Variants in RBFOX1 observed in about 807,000 individuals in gnomAD.
RBFOX1 encodes RNA binding protein fox-1 homolog 1.
Under a neutral mutation model 57.7 loss-of-function variants are expected in RBFOX1, and 8 were observed. The observed-to-expected ratio is 0.14, with a 90% CI of 0.08 to 0.25. RBFOX1 has a LOEUF of 0.25. Among genes scored for constraint, RBFOX1 ranks in the 10% least tolerant of loss-of-function variants. The pLI, the probability that RBFOX1 is intolerant of heterozygous loss-of-function variation, is 1.00. For synonymous variants in RBFOX1, 326 were observed against 222.4 expected (o/e 1.47, Z -4.15); for missense variants, 611 against 548.5 (o/e 1.11, Z -1.14).
At chr16:5,612,925 T>C (rs928155909) in intron 3 of RBFOX1, among the ~76,000 whole-genome samples, 4 of 152,190 alleles carry the variant, frequency 2.6e-5, no homozygotes, top group Admixed American at 1.3e-4. Context: ...CCACAAAACA[T>C]GGATCTGGCC....
At chr16:5,490,800 C>T (rs764210181) in intron 2 of RBFOX1, among the ~76,000 whole-genome samples, 1 of 152,178 alleles carries the variant, frequency 6.6e-6, no homozygotes, top group African/African-American at 2.4e-5. Flanking sequence ...TCCGCCTCTG[C>T]ACTGGGAGTT....
chr16:7,463,223 G>A (rs2059897299), intron 4 of RBFOX1, among the ~76,000 whole-genome samples: 1 of 152,164 alleles, frequency 6.6e-6, no homozygotes, highest in Non-Finnish European at 1.5e-5. Flanking sequence ...CATGAATCTA[G>A]CCAGGCATGC....
intron 3 of RBFOX1, among the ~76,000 whole-genome samples, chr16:6,689,593 A>G (rs985851746): frequency 1.3e-5 from 2 of 152,174 alleles, no homozygotes; most frequent in African/African-American, 4.8e-5. Context: ...AATGTCTACT[A>G]TAAACAATAT....
intron 1 of RBFOX1, among the ~76,000 whole-genome samples, chr16:5,282,243 C>G (rs966152371): frequency 6.6e-6 from 1 of 152,166 alleles, no homozygotes; most frequent in South Asian, 2.1e-4. Context: ...TGTAGCCTCC[C>G]CAGCAATGTA....
At chr16:7,046,171 T>G (rs919942051) in intron 3 of RBFOX1, among the ~76,000 whole-genome samples, 1 of 152,098 alleles carries the variant, frequency 6.6e-6, no homozygotes, top group Non-Finnish European at 1.5e-5. Flanking sequence ...TAGTTTATAT[T>G]TTACATGTAG....
At chr16:7,245,048 T>A (rs2094233244) in intron 4 of RBFOX1, among the ~76,000 whole-genome samples, 1 of 152,204 alleles carries the variant, frequency 6.6e-6, no homozygotes, top group African/African-American at 2.4e-5. Context: ...TATACCAGAC[T>A]TTCTGATTGT....
intron 4 of RBFOX1, among the ~76,000 whole-genome samples, chr16:7,142,589 A>G (rs1359646147): frequency 6.6e-6 from 1 of 151,972 alleles, no homozygotes; most frequent in Non-Finnish European, 1.5e-5. Context: ...TTATTTTCTC[A>G]CTGGGATTTT....
chr16:5,683,710 G>A (rs762298394), intron 3 of RBFOX1, among the ~76,000 whole-genome samples: 1 of 150,778 alleles, frequency 6.6e-6, no homozygotes, highest in Non-Finnish European at 1.5e-5. Context: ...GATCATGTAA[G>A]TTAATACTTA....
At chr16:5,443,993 A>G (rs2068165304) in intron 1 of RBFOX1, among the ~76,000 whole-genome samples, 1 of 152,166 alleles carries the variant, frequency 6.6e-6, no homozygotes, top group Non-Finnish European at 1.5e-5. Context: ...TTCATCTTGT[A>G]ATACGTTAAT....
At chr16:7,373,847 G>T (rs1340266122) in intron 4 of RBFOX1, among the ~76,000 whole-genome samples, 1 of 152,212 alleles carries the variant, frequency 6.6e-6, no homozygotes, top group Non-Finnish European at 1.5e-5. Flanking sequence ...ACGTTTTAAA[G>T]ATGCTCAGCT....
intron 3 of RBFOX1, among the ~76,000 whole-genome samples, chr16:6,866,689 C>T (rs1366422439): frequency 6.6e-6 from 1 of 151,766 alleles, no homozygotes; most frequent in Admixed American, 6.6e-5. Flanking sequence ...CTACAGGCGC[C>T]TGCCACCACG....
intron 2 of RBFOX1, among the ~76,000 whole-genome samples, chr16:6,546,808 T>C (rs1322986358): frequency 6.6e-6 from 1 of 152,330 alleles, no homozygotes; most frequent in East Asian, 1.9e-4. Context: ...AATGGGGTCA[T>C]AGGCTCCATA....
rs1255778985 is a variant in RBFOX1 at position 6,779,963 on chromosome 16, TTA to T, written c.-16+125321_-16+125322del. Among the ~76,000 whole-genome samples, 7 of 11,508 alleles carry T rather than the reference TTA, an allele frequency of 6.1e-4. 1 individual carries two copies. Among genetic ancestry groups the T allele is most frequent in the Non-Finnish European group, 9.6e-4 (7 of 7,300 alleles). 7.5% of individuals were successfully genotyped at this position (11,508 alleles called of 152,430 possible). On this transcript the variant is annotated intron_variant, in intron 3 of 15. Coordinates refer to ENST00000550418, the MANE Select transcript of RBFOX1 (RefSeq NM_018723.4). ...TATATATATTTATATATTTATATATTTATATATATTTATATATTTATATATTT... is the reference window on the plus strand; with the variant it reads ...TATATATATTTATATATTTATATATTTATATATTTATATATTTATATATTT...
intron 3 of RBFOX1, among the ~76,000 whole-genome samples, chr16:6,663,469 G>C (rs759475335): frequency 6.6e-6 from 1 of 151,352 alleles, no homozygotes; most frequent in African/African-American, 2.4e-5. Flanking sequence ...CTAGATCTGT[G>C]CACTTCTGAT....
intron 2 of RBFOX1, among the ~76,000 whole-genome samples, chr16:6,317,396 C>G (rs562794844): frequency 6.6e-6 from 1 of 152,104 alleles, no homozygotes; most frequent in East Asian, 1.9e-4. Context: ...TTCTGTCCCC[C>G]TTCTGAGTCA....
intron 3 of RBFOX1, among the ~76,000 whole-genome samples, chr16:5,609,836 T>C (rs1046400612): frequency 3.2e-5 from 4 of 125,458 alleles, no homozygotes; most frequent in African/African-American, 9.1e-5. Context: ...GCGGAGAGGG[T>C]AGGTGGGGGT....
At chr16:5,825,759 A>G (rs1364188954) in intron 3 of RBFOX1, among the ~76,000 whole-genome samples, 1 of 147,784 alleles carries the variant, frequency 6.8e-6, no homozygotes, top group Non-Finnish European at 1.5e-5. Flanking sequence ...TAATATGAAT[A>G]AGGAATAATA....
At chr16:6,553,275 C>G (rs78043503) in intron 2 of RBFOX1, among the ~76,000 whole-genome samples, 4,093 of 152,244 alleles carry the variant, frequency 0.027, 166 homozygotes, top group South Asian at 0.073. Context: ...GAAGTTGCCA[C>G]CGATTTAGAG....
intron 1 of RBFOX1, among the ~76,000 whole-genome samples, chr16:6,242,331 G>T (rs959821651): frequency 1.3e-5 from 2 of 152,068 alleles, no homozygotes; most frequent in African/African-American, 4.8e-5. Flanking sequence ...CTATCAGCCT[G>T]TATAGGTCTA....
Sources: gnomAD v4.1 joint callset for allele counts (sites outside exome capture counted in the v4.1 genomes callset) on GRCh38, gnomAD v4.1.1 for gene constraint, MANE v1.5 for transcripts, NCBI Gene and HGNC (gene_info 2026-07-23, HGNC 2026-07-21) for gene names.